The following DLGAP2 variants were observed in gnomAD, a reference collection of about 807,000 sequenced individuals.
DLGAP2 encodes the protein disks large-associated protein 2.
Under a neutral mutation model 100.3 loss-of-function variants are expected in DLGAP2, and 26 were observed. The observed-to-expected ratio is 0.26, with a 90% confidence interval of 0.19 to 0.36. The LOEUF is 0.36. Among genes scored for constraint, DLGAP2 ranks in the 10% least tolerant of loss-of-function variants. DLGAP2 has a pLI of 1.00. For synonymous variants in DLGAP2, 886 were observed against 630.1 expected, an observed-to-expected ratio of 1.41 and a Z score of -6.08; for missense variants, 1,858 against 1,453.2, an observed-to-expected ratio of 1.28 and a Z score of -4.53.
chr8:1,447,495 T>G (rs1263121351), intron 3 of DLGAP2, among the ~76,000 whole-genome samples: 2 of 152,238 alleles, frequency 1.3e-5, no homozygotes, highest in East Asian at 3.8e-4. Context: ...TGCCAGTATT[T>G]TATTGAGGAT....
intron 3 of DLGAP2, among the ~76,000 whole-genome samples, chr8:1,500,310 A>G (rs13253132): frequency 0.022 from 3,193 of 144,550 alleles, 151 homozygotes; most frequent in African/African-American, 0.076. Context: ...AGCTGTGTCT[A>G]CACTGCCTCT....
intron 1 of DLGAP2, among the ~76,000 whole-genome samples, chr8:886,871 A>G (rs530329394): frequency 1.3e-5 from 2 of 152,318 alleles, no homozygotes; most frequent in African/African-American, 4.8e-5. Context: ...AGTTCTGTAG[A>G]TGTCTACTAG....
At chr8:1,513,486 C>A (rs1051094849) in intron 4 of DLGAP2, among the ~76,000 whole-genome samples, 2 of 152,238 alleles carry the variant, frequency 1.3e-5, no homozygotes, top group African/African-American at 4.8e-5. Flanking sequence ...CAAGCACAGC[C>A]CAGCTCAGAG....
At chr8:946,520 C>G (rs967701767) in intron 2 of DLGAP2, among the ~76,000 whole-genome samples, 3 of 152,178 alleles carry the variant, frequency 2.0e-5, no homozygotes, top group African/African-American at 7.2e-5. Flanking sequence ...GCCTTGGCCT[C>G]CCAAAGTGCT....
chr8:1,549,557 C>G lies in DLGAP2; in HGVS notation c.1104C>G (p.Arg368=). ...ALTPDAKYLK[R]SSWSTLTVSQ... Reference sequence around the variant, plus strand: ...CGCCCGACGCCAAGTACCTGAAGCGCAGCTCCTGGTCTACGCTGACGGTCA... The same window carrying G: ...CGCCCGACGCCAAGTACCTGAAGCGGAGCTCCTGGTCTACGCTGACGGTCA... Residue 368 remains arginine (R), a synonymous_variant, in exon 5 of 15, where the codon CGC becomes CGG. Coordinates refer to ENST00000637795, the MANE Select transcript of DLGAP2 (RefSeq NM_001346810.2). 6.2e-7 allele frequency: 1 copy of G among 1,613,214 alleles called. No individual in the cohort carries two copies. The highest frequency in any genetic ancestry group is 8.5e-7 in the Non-Finnish European group (1 of 1,179,838).
At chr8:1,364,900 G>A (rs1027637842) in intron 3 of DLGAP2, among the ~76,000 whole-genome samples, 1 of 152,280 alleles carries the variant, frequency 6.6e-6, no homozygotes, top group Non-Finnish European at 1.5e-5. Flanking sequence ...CATGGCAGGG[G>A]GTAGTTTTAA....
At chr8:1,283,586 T>G (rs532591777) in intron 3 of DLGAP2, among the ~76,000 whole-genome samples, 1 of 152,358 alleles carries the variant, frequency 6.6e-6, no homozygotes, top group African/African-American at 2.4e-5. Flanking sequence ...TCTATTTGTC[T>G]TTGCTTAAAA....
chr8:1,466,341 T>C (rs926595787), intron 3 of DLGAP2, among the ~76,000 whole-genome samples: 1 of 152,058 alleles, frequency 6.6e-6, no homozygotes, highest in South Asian at 2.1e-4. Flanking sequence ...CCGACCCTCA[T>C]CCTCAGCCGT....
intron 1 of DLGAP2, among the ~76,000 whole-genome samples, chr8:787,732 C>G (rs188870403): frequency 1.3e-5 from 2 of 152,326 alleles, no homozygotes; most frequent in East Asian, 3.9e-4. Context: ...TCTCAGCCTA[C>G]ATCGGAATGG....
intron 2 of DLGAP2, among the ~76,000 whole-genome samples, chr8:1,057,450 C>G (rs1008320475): frequency 6.6e-6 from 1 of 152,194 alleles, no homozygotes; most frequent in African/African-American, 2.4e-5. Context: ...CACACAAGGG[C>G]TAAGTCTTTA....
intron 3 of DLGAP2, chr8:1,373,718 G>C (rs1301396771): frequency 1.3e-5 from 2 of 152,184 alleles, no homozygotes; most frequent in Non-Finnish European, 2.9e-5. Context: ...TCAACACAAC[G>C]CTGTGGCCTC....
intron 13 of DLGAP2, among the ~76,000 whole-genome samples, chr8:1,694,100 G>T (rs1006363151): frequency 6.6e-6 from 1 of 152,162 alleles, no homozygotes; most frequent in Admixed American, 6.5e-5. Flanking sequence ...GCTTAAAATT[G>T]TTCATCCTAA....
At position 922,567 on chromosome 8, in the gene DLGAP2, G is replaced by A. The variant is rs187162029; in HGVS notation, c.73+14601G>A. Among the ~76,000 whole-genome samples, 92 of 152,276 alleles carry A rather than the reference G, an allele frequency of 6.0e-4. 1 individual carries two copies. Among genetic ancestry groups the A allele is most frequent in the African/African-American group, 2.2e-3 (90 of 41,558 alleles). On this transcript the variant is annotated intron_variant, in intron 2 of 14. Coordinates refer to ENST00000637795, the MANE Select transcript of DLGAP2 (RefSeq NM_001346810.2). ...AATAAATTAAAATTATTTCTAAGCA[G>A]CACCTTATTCTGGGATGGTTTTGTG...
rs547946646 is a variant in DLGAP2 at position 1,702,448 on chromosome 8, T to G, written c.*1042T>G. ...AAAGTTTAAGAAATATGAATGTGAG[T>G]GGTAAGTATATCTCAGTTTAAATGG... On this transcript the variant is annotated 3_prime_UTR_variant, in exon 15 of 15. Coordinates refer to ENST00000637795, the MANE Select transcript of DLGAP2 (RefSeq NM_001346810.2). 6.5e-6 allele frequency: 1 copy of G among 152,682 alleles called. No homozygotes were observed. The highest frequency in any genetic ancestry group is 2.1e-4 in the South Asian group (1 of 4,824). 9.5% of individuals were successfully genotyped at this position (152,682 alleles called of 1,614,324 possible). A position where few individuals can be genotyped will look rare whatever the true frequency, so the allele number is the denominator to read the frequency against.
At chr8:1,129,339 G>A (rs1270488599) in intron 2 of DLGAP2, among the ~76,000 whole-genome samples, 1 of 151,348 alleles carries the variant, frequency 6.6e-6, no homozygotes, top group Non-Finnish European at 1.5e-5. Flanking sequence ...GGAGGCAGAG[G>A]TTGTAGCCAG....
At chr8:745,621 G>T (rs542095114) in intron 1 of DLGAP2, among the ~76,000 whole-genome samples, 1 of 152,276 alleles carries the variant, frequency 6.6e-6, no homozygotes, top group East Asian at 1.9e-4. Flanking sequence ...TTTACAATAA[G>T]TTAGCTAAGT....
chr8:1,469,938 T>C (rs185961859), intron 3 of DLGAP2, among the ~76,000 whole-genome samples: 1 of 151,860 alleles, frequency 6.6e-6, no homozygotes, highest in Admixed American at 6.6e-5. Flanking sequence ...GGAGGATTGC[T>C]TGAGCCCAGA....
intron 2 of DLGAP2, among the ~76,000 whole-genome samples, chr8:982,433 A>G (rs1800363900): frequency 6.6e-6 from 1 of 152,198 alleles, no homozygotes; most frequent in Admixed American, 6.5e-5. Context: ...TTTAGCAATC[A>G]GTCGATGGTT....
At chr8:1,482,988 C>T (rs1799138516) in intron 3 of DLGAP2, among the ~76,000 whole-genome samples, 1 of 152,244 alleles carries the variant, frequency 6.6e-6, no homozygotes, top group Non-Finnish European at 1.5e-5. Context: ...GTGCTCGGGC[C>T]CTGGCGCACC....
Sources: allele counts gnomAD v4.1 joint callset (sites outside exome capture counted in the v4.1 genomes callset), GRCh38; gene constraint gnomAD v4.1.1; transcripts MANE v1.5; gene names NCBI Gene and HGNC (gene_info 2026-07-23, HGNC 2026-07-21).